Variants in MYO5C observed in about 807,000 individuals in gnomAD.
MYO5C encodes the protein myosin VC, also known as unconventional myosin-Vc.
Under a neutral mutation model 235.7 loss-of-function variants are expected in MYO5C, and 194 were observed. The observed-to-expected ratio is 0.82, with a 90% CI of 0.73 to 0.93. The LOEUF is 0.93. Among genes scored for constraint, MYO5C ranks in the 40% least tolerant of loss-of-function variants. MYO5C has a pLI of 0.00. For synonymous variants in MYO5C, 707 were observed against 754.8 expected, an observed-to-expected ratio of 0.94 and a Z score of 1.04; for missense variants, 2,038 against 2,127.2, an observed-to-expected ratio of 0.96 and a Z score of 0.82.
intron 22 of MYO5C, 104 bp downstream of exon 22, chr15:52,237,378 G>A (rs943320032): frequency 7.2e-7 from 1 of 1,383,134 alleles, no homozygotes; most frequent in Non-Finnish European, 9.8e-7. Context: ...AGCAAAATCT[G>A]ATTTGCTCTG....
intron 21 of MYO5C, 66 bp from the exon 22 acceptor site, chr15:52,237,712 TC>T: frequency 1.3e-6 from 2 of 1,501,542 alleles, no homozygotes; most frequent in Non-Finnish European, 1.8e-6. Flanking sequence ...CATTTAATTC[TC>T]ATAGCCTTTG....
At chr15:52,221,497 G>A (rs2035685741) in intron 29 of MYO5C, among the ~76,000 whole-genome samples, 1 of 152,164 alleles carries the variant, frequency 6.6e-6, no homozygotes, top group Non-Finnish European at 1.5e-5. Context: ...GGGAGAGAAG[G>A]ATGTGTACAT....
At chr15:52,230,062 C>T (rs1427133884) in intron 24 of MYO5C, among the ~76,000 whole-genome samples, 2 of 152,242 alleles carry the variant, frequency 1.3e-5, no homozygotes, top group African/African-American at 4.8e-5. Flanking sequence ...ATAGAGCTAT[C>T]TGCTATGTCC....
rs752037429 is a variant in MYO5C, at chr15:52,245,482, G to A, written c.2067-17C>T. ...TATGTCCACCTGGAAAATCAAAGGGGATCAAAGCCAGGAGTGTCAGAGGAA... is the reference window on the plus strand; with the variant it reads ...TATGTCCACCTGGAAAATCAAAGGGAATCAAAGCCAGGAGTGTCAGAGGAA... On this transcript the variant is annotated splice_polypyrimidine_tract_variant and intron_variant, in intron 17 of 40. Transcript: ENST00000261839. 1 of 1,573,428 alleles carries A rather than the reference G, an allele frequency of 6.4e-7. No homozygotes were observed. Among genetic ancestry groups the A allele is most frequent in the Non-Finnish European group, 8.7e-7 (1 of 1,143,064 alleles).
chr15:52,258,320 C>T (rs1282222410), intron 10 of MYO5C, among the ~76,000 whole-genome samples: 1 of 152,164 alleles, frequency 6.6e-6, no homozygotes, highest in Non-Finnish European at 1.5e-5. Flanking sequence ...GAGGCCCCAT[C>T]TTGTAGATGC....
chr15:52,278,004 G>A (rs545878114), intron 4 of MYO5C: 7 of 454,324 alleles, frequency 1.5e-5, no homozygotes, highest in African/African-American at 1.0e-4. Context: ...AGCAGGTCCA[G>A]GTCCTGTGCC....
At position 52,229,140 on chromosome 15, in the gene MYO5C, T is replaced by C; in HGVS notation, c.3200A>G (p.Gln1067Arg). 1 of 1,614,184 alleles carries C rather than the reference T, an allele frequency of 6.2e-7. No homozygotes were observed. The highest frequency in any genetic ancestry group is 8.5e-7 in the Non-Finnish European group (1 of 1,180,026). ...LKAEVARLSK[Q>R]VKTISEFEKE... Reference sequence around the variant, plus strand: ...ACGTGAGAGCCGCTCTACCTTGACCTGCTTGCTCAGGCGGGCCACTTCCGC... The same window carrying C: ...ACGTGAGAGCCGCTCTACCTTGACCCGCTTGCTCAGGCGGGCCACTTCCGC... The change falls in exon 25 of 41, where the codon CAG (glutamine) becomes CGG (arginine). Residue 1067 changes from glutamine (Q) to arginine (R), a missense_variant. Physicochemically the swap from Gln to Arg is conservative, Grantham distance 43. Coordinates refer to ENST00000261839, the MANE Select transcript of MYO5C (RefSeq NM_018728.4).
intron 39 of MYO5C, 115 bp downstream of exon 39, chr15:52,196,194 C>T: frequency 1.0e-6 from 1 of 969,380 alleles, no homozygotes; most frequent in Non-Finnish European, 1.5e-6. Context: ...TAGGTATGCT[C>T]CCGAGAGTAC....
intron 36 of MYO5C, among the ~76,000 whole-genome samples, chr15:52,207,755 A>G (rs753194122): frequency 1.3e-5 from 2 of 152,210 alleles, no homozygotes; most frequent in Admixed American, 6.5e-5. Flanking sequence ...CAGTCTATCC[A>G]TATGATATAA....
chr15:52,213,068 G>A, intron 34 of MYO5C, 120 bp downstream of exon 34: 2 of 687,522 alleles, frequency 2.9e-6, no homozygotes, highest in Non-Finnish European at 5.1e-6. Context: ...CTCTGGGCTG[G>A]GGGAAGAAGC....
At chr15:52,267,599 T>C (rs1264446994) in intron 8 of MYO5C, among the ~76,000 whole-genome samples, 1 of 152,072 alleles carries the variant, frequency 6.6e-6, no homozygotes, top group Non-Finnish European at 1.5e-5. Flanking sequence ...GGCAGGAGAA[T>C]TGCTTGAGTC....
intron 9 of MYO5C, among the ~76,000 whole-genome samples, chr15:52,262,000 A>C (rs1178460055): frequency 6.6e-6 from 1 of 152,196 alleles, no homozygotes; most frequent in African/African-American, 2.4e-5. Flanking sequence ...CCTGCTGACC[A>C]ATATCACAGT....
intron 10 of MYO5C, chr15:52,256,960 T>A (rs1252447966): frequency 2.3e-6 from 1 of 435,488 alleles, no homozygotes; most frequent in African/African-American, 2.0e-5. Flanking sequence ...AGCCAGGCAT[T>A]AAAATAAGCA....
At chr15:52,223,428 C>T in intron 29 of MYO5C, 116 bp downstream of exon 29, 1 of 1,007,462 alleles carries the variant, frequency 9.9e-7, no homozygotes, top group Non-Finnish European at 1.5e-6. Context: ...TATTTCACTT[C>T]TGGAAAAAGT....
intron 9 of MYO5C, among the ~76,000 whole-genome samples, chr15:52,263,107 G>T (rs1460544164): frequency 1.3e-5 from 2 of 152,182 alleles, no homozygotes; most frequent in African/African-American, 4.8e-5. Flanking sequence ...CAGACTTCCA[G>T]CCTCTAGAAC....
intron 38 of MYO5C, among the ~76,000 whole-genome samples, chr15:52,197,498 TG>T (rs1229438939): frequency 1.3e-5 from 2 of 151,850 alleles, no homozygotes; most frequent in East Asian, 3.9e-4. Context: ...GGAGTTGGGG[TG>T]GGGGATGAGA....
chr15:52,262,031 G>A (rs1038239547), intron 9 of MYO5C, among the ~76,000 whole-genome samples: 2 of 152,180 alleles, frequency 1.3e-5, no homozygotes, highest in African/African-American at 4.8e-5. Context: ...TGGCTTTGAC[G>A]TGCCTGACCT....
chr15:52,224,530 A>T (rs1198786770), intron 28 of MYO5C, among the ~76,000 whole-genome samples: 1 of 152,178 alleles, frequency 6.6e-6, no homozygotes, highest in Non-Finnish European at 1.5e-5. Context: ...AACTCTCTGT[A>T]TTTCTGCTCA....
At chr15:52,220,915 T>C (rs1433663761) in intron 30 of MYO5C, among the ~76,000 whole-genome samples, 2 of 152,046 alleles carry the variant, frequency 1.3e-5, no homozygotes, top group Non-Finnish European at 2.9e-5. Context: ...CCTTAAATGA[T>C]CCACCCATCA....
Sources: gnomAD v4.1 joint callset for allele counts (sites outside exome capture counted in the v4.1 genomes callset) on GRCh38, gnomAD v4.1.1 for gene constraint, MANE v1.5 for transcripts, NCBI Gene and HGNC (gene_info 2026-07-23, HGNC 2026-07-21) for gene names.